Variants in SPIN1 observed in about 807,000 individuals in gnomAD.
The protein encoded by SPIN1 is spindlin-1.
A neutral mutation model predicts 26.0 loss-of-function variants in SPIN1; 3 were observed. That is an observed-to-expected ratio of 0.12 (90% CI 0.05 to 0.30). SPIN1 has a LOEUF of 0.30. Among genes scored for constraint, SPIN1 ranks in the 10% least tolerant of loss-of-function variants. The pLI is 1.00. For missense variants in SPIN1, 126 were observed against 333.4 expected (o/e 0.38, Z 4.84); for synonymous variants, 101 against 116.5 (o/e 0.87, Z 0.86).
At chr9:88,406,228 C>G (rs1438033078) in intron 1 of SPIN1, among the ~76,000 whole-genome samples, 1 of 151,330 alleles carries the variant, frequency 6.6e-6, no homozygotes, top group Non-Finnish European at 1.5e-5. Context: ...ACTGAAATGT[C>G]TCTGTGTGGG....
intron 1 of SPIN1, among the ~76,000 whole-genome samples, chr9:88,417,851 T>C (rs190082319): frequency 3.1e-4 from 47 of 152,346 alleles, no homozygotes; most frequent in African/African-American, 1.1e-3. Flanking sequence ...CAAAGAGGTT[T>C]TGTAATTTGC....
rs77738092 is a variant in SPIN1, at chr9:88,421,957, C to T, written c.-158-4425C>T. On this transcript the variant is annotated intron_variant, in intron 1 of 5. Coordinates refer to ENST00000375859, the MANE Select transcript of SPIN1 (RefSeq NM_006717.3). ...TTTATAAGTGATATAGTCTGCTTTG[C>T]GTCATATCACATTAAGAAGTGAATA... Among the ~76,000 whole-genome samples the T allele has an allele frequency of 4.1e-3, 620 of 152,028 alleles. 5 individuals carry two copies. Among genetic ancestry groups the T allele is most frequent in the African/African-American group, 0.014 (586 of 41,454 alleles).
chr9:88,397,310 G>C (rs754897491), intron 1 of SPIN1, among the ~76,000 whole-genome samples: 10 of 151,960 alleles, frequency 6.6e-5, no homozygotes, highest in Non-Finnish European at 1.5e-4. Flanking sequence ...GTCATTAGGT[G>C]GTGCATGACT....
At position 88,476,032 on chromosome 9, in the gene SPIN1, G is replaced by A. The variant is rs185569359; in HGVS notation, c.*755G>A. On this transcript the variant is annotated 3_prime_UTR_variant, in exon 6 of 6. Transcript: ENST00000375859. Reference sequence around the variant, plus strand: ...ACCCATATTAGAATTTTACAATCTGGTGAACAATCTGGGTAAAAGGCTACC... The same window carrying A: ...ACCCATATTAGAATTTTACAATCTGATGAACAATCTGGGTAAAAGGCTACC... 5.7e-4 allele frequency: 86 copies of A among 151,992 alleles called. No individual in the cohort carries two copies. The highest frequency in any genetic ancestry group is 2.0e-3 in the African/African-American group (84 of 41,486). 9.4% of individuals were successfully genotyped at this position (151,992 alleles called of 1,614,324 possible). A position where few individuals can be genotyped will look rare whatever the true frequency, so the allele number is the denominator to read the frequency against.
At chr9:88,419,511 G>T (rs915979516) in intron 1 of SPIN1, among the ~76,000 whole-genome samples, 4 of 151,598 alleles carry the variant, frequency 2.6e-5, no homozygotes, top group African/African-American at 9.7e-5. Context: ...TTGCTGAGAA[G>T]AAAAAAAAGA....
At chr9:88,466,895 C>A (rs1447533081) in intron 4 of SPIN1, among the ~76,000 whole-genome samples, 2 of 151,968 alleles carry the variant, frequency 1.3e-5, no homozygotes, top group Non-Finnish European at 2.9e-5. Flanking sequence ...ACTGCCACAC[C>A]TGGCTAATTT....
chr9:88,473,772 C>T (rs1216517998), intron 5 of SPIN1, among the ~76,000 whole-genome samples: 1 of 152,114 alleles, frequency 6.6e-6, no homozygotes, highest in Non-Finnish European at 1.5e-5. Flanking sequence ...CAGGCCTCTA[C>T]ATGACTCCCT....
chr9:88,411,004 A>C, intron 1 of SPIN1: 1 of 1,557,204 alleles, frequency 6.4e-7, no homozygotes, highest in Non-Finnish European at 8.7e-7. Context: ...TGTGGTCGTC[A>C]AAGGTTACAA....
intron 2 of SPIN1, among the ~76,000 whole-genome samples, chr9:88,447,564 C>T (rs1828276080): frequency 6.6e-6 from 1 of 152,170 alleles, no homozygotes; most frequent in South Asian, 2.1e-4. Context: ...TTATTGATTG[C>T]TCCAAGTGTT....
intron 1 of SPIN1, among the ~76,000 whole-genome samples, chr9:88,401,268 C>CT (rs1564022408): frequency 2.0e-5 from 3 of 152,134 alleles, no homozygotes; most frequent in Non-Finnish European, 4.4e-5. Flanking sequence ...AAATTAGAAA[C>CT]AACTGTCCAA....
intron 1 of SPIN1, among the ~76,000 whole-genome samples, chr9:88,408,977 G>GTGTT (rs1221767204): frequency 5.6e-5 from 7 of 124,658 alleles, no homozygotes; most frequent in African/African-American, 1.9e-4. Context: ...GTGTTTGTGT[G>GTGTT]TGTTTGTGTG....
At chr9:88,437,548 T>A (rs1828030878) in intron 2 of SPIN1, among the ~76,000 whole-genome samples, 1 of 151,910 alleles carries the variant, frequency 6.6e-6, no homozygotes, top group Admixed American at 6.6e-5. Context: ...GAAGCTGCTA[T>A]ATATATCTGT....
chr9:88,448,592 C>T lies in SPIN1; in HGVS notation c.53-349C>T, dbSNP rs561954080. Among the ~76,000 whole-genome samples the T allele has an allele frequency of 5.3e-5, 8 of 152,270 alleles. No homozygotes were observed. In the South Asian group the frequency reaches 1.7e-3, roughly 32 times the overall value. On this transcript the variant is annotated intron_variant, in intron 2 of 5. Transcript: ENST00000375859. ...TCGAACTCCTGGCCTCAGCCACCCT[C>T]CTGCCTTAGCCTCCCAGAGTGCTGG...
chr9:88,408,384 T>C (rs866218206), intron 1 of SPIN1, among the ~76,000 whole-genome samples: 6,476 of 145,424 alleles, frequency 0.045, 531 homozygotes, highest in African/African-American at 0.15. Context: ...TTCTTTTTTT[T>C]TTTTTTTTTT....
chr9:88,432,040 T>C (rs1040853458), intron 2 of SPIN1, among the ~76,000 whole-genome samples: 4 of 151,926 alleles, frequency 2.6e-5, no homozygotes, highest in African/African-American at 9.7e-5. Flanking sequence ...GAAAAAAAAA[T>C]AGATTTATTC....
intron 2 of SPIN1, among the ~76,000 whole-genome samples, chr9:88,439,160 T>C (rs999792851): frequency 6.6e-6 from 1 of 152,218 alleles, no homozygotes; most frequent in African/African-American, 2.4e-5. Flanking sequence ...ATATAGATAT[T>C]CTGGCGCTGC....
chr9:88,414,994 C>T (rs2117976752), intron 1 of SPIN1, among the ~76,000 whole-genome samples: 1 of 152,230 alleles, frequency 6.6e-6, no homozygotes, highest in African/African-American at 2.4e-5. Context: ...ACCTCCACCT[C>T]CTGGGTTCAA....
chr9:88,434,967 A>G (rs567379693), intron 2 of SPIN1, among the ~76,000 whole-genome samples: 1 of 151,620 alleles, frequency 6.6e-6, no homozygotes, highest in Admixed American at 6.6e-5. Context: ...CGGGAGAATT[A>G]TCTGAACCCG....
At chr9:88,405,401 G>T (rs779567429) in intron 1 of SPIN1, among the ~76,000 whole-genome samples, 6 of 150,912 alleles carry the variant, frequency 4.0e-5, no homozygotes, top group Non-Finnish European at 7.4e-5. Flanking sequence ...GCTAATTCTT[G>T]TATTTTTAGT....
Sources: gnomAD v4.1 joint callset for allele counts (sites outside exome capture counted in the v4.1 genomes callset) on GRCh38, gnomAD v4.1.1 for gene constraint, MANE v1.5 for transcripts, NCBI Gene and HGNC (gene_info 2026-07-23, HGNC 2026-07-21) for gene names.